The following TRPC5 variants were observed in gnomAD, a reference collection of about 807,000 sequenced individuals.
The protein encoded by TRPC5 is transient receptor potential cation channel subfamily C member 5.
A neutral mutation model predicts 56.5 loss-of-function variants in TRPC5; 9 were observed. The ratio of observed to expected loss-of-function variants is 0.16; its 90% CI spans 0.10 to 0.28. The LOEUF is 0.28. TRPC5 is among the 10% of genes least tolerant of loss of function. The probability of loss-of-function intolerance (pLI) is 1.00; values close to 1 mark genes in which losing one functional copy is unlikely to be tolerated. For synonymous variants in TRPC5, 282 were observed against 278.5 expected (o/e 1.01, Z -0.13); for missense variants, 469 against 748.9 (o/e 0.63, Z 4.36).
chrX:112,019,036 C>T (rs912436559), intron 1 of TRPC5, among the ~76,000 whole-genome samples: 2 of 112,301 alleles, frequency 1.8e-5, no homozygotes, highest in East Asian at 2.8e-4. Context: ...GCTTTTAAAG[C>T]GCTTATGCAA....
chrX:111,902,271 A>G (rs948908435), intron 3 of TRPC5: 9 of 619,535 alleles, frequency 1.5e-5, no homozygotes, highest in African/African-American at 6.8e-5. Flanking sequence ...TATATTAGCA[A>G]TATGTGTTTT....
intron 7 of TRPC5, among the ~76,000 whole-genome samples, chrX:111,793,107 A>G (rs1667146146): frequency 9.0e-6 from 1 of 110,943 alleles, no homozygotes; most frequent in African/African-American, 3.3e-5. Context: ...GGAGCAGGGG[A>G]ATGAATATCA....
intron 1 of TRPC5, among the ~76,000 whole-genome samples, chrX:112,044,490 T>C (rs901222841): frequency 8.9e-6 from 1 of 112,136 alleles, no homozygotes; most frequent in African/African-American, 3.2e-5. Context: ...TGCCCTTCCA[T>C]ACAGAGATAT....
intron 7 of TRPC5, among the ~76,000 whole-genome samples, chrX:111,828,408 T>G (rs1922301938): frequency 8.9e-6 from 1 of 111,855 alleles, no homozygotes; most frequent in Admixed American, 9.5e-5. Context: ...TGGCACTCAT[T>G]CTCTCTCCTG....
intron 6 of TRPC5, among the ~76,000 whole-genome samples, chrX:111,842,832 G>C (rs902366853): frequency 9.5e-6 from 1 of 105,724 alleles, no homozygotes; most frequent in Non-Finnish European, 2.0e-5. Flanking sequence ...GCTCAAAGTG[G>C]ATCAGTAGAG....
At position 111,829,272 on chromosome X, in the gene TRPC5, G is replaced by A. The variant is rs545072954; in HGVS notation, c.1896+5649C>T. 1.2e-4 allele frequency among the ~76,000 whole-genome samples: 12 copies of A among 97,006 alleles called. No individual in the cohort carries two copies. The South Asian group carries it at 4.3e-3, about 35-fold the overall frequency. 84.2% of individuals were successfully genotyped at this position (97,006 alleles called of 115,157 possible). On this transcript the variant is annotated intron_variant, in intron 7 of 10. Transcript: ENST00000262839. ...AGCTGAGATCACACCACTGCACTCC[G>A]GCCCGGGCGACAGTATGAGACTCTG...
At chrX:112,029,675 G>A (rs1218798968) in intron 1 of TRPC5, among the ~76,000 whole-genome samples, 1 of 111,612 alleles carries the variant, frequency 9.0e-6, no homozygotes, top group East Asian at 2.8e-4. Context: ...TGTCTTTTTG[G>A]TGTAAGCCAT....
intron 6 of TRPC5, among the ~76,000 whole-genome samples, chrX:111,843,202 A>G (rs780507594): frequency 8.9e-6 from 1 of 112,632 alleles, no homozygotes; most frequent in African/African-American, 3.2e-5. Context: ...TTTTCACTCA[A>G]TTGTTCAGTA....
At chrX:112,048,842 G>C (rs926337952) in intron 1 of TRPC5, among the ~76,000 whole-genome samples, 2 of 111,902 alleles carry the variant, frequency 1.8e-5, no homozygotes, top group African/African-American at 6.5e-5. Context: ...ACAATAAAAG[G>C]AAAGCTTTAA....
rs778659183 is a variant in TRPC5, at chrX:112,004,586, A to G, written c.-21-52145T>C. Among the ~76,000 whole-genome samples the G allele has an allele frequency of 1.4e-3, 155 of 111,982 alleles. 1 individual carries two copies. Among genetic ancestry groups the G allele is most frequent in the African/African-American group, 4.5e-3 (140 of 30,796 alleles). The stretch of plus-strand genomic sequence containing the variant: ...GGAATTTGTTAGCAGGTCAAATCTC[A>G]GGTCCATATTAGACCTTCTAAATCA... On this transcript the variant is annotated intron_variant, in intron 1 of 10. Coordinates refer to ENST00000262839, the MANE Select transcript of TRPC5 (RefSeq NM_012471.3).
intron 1 of TRPC5, among the ~76,000 whole-genome samples, chrX:112,010,100 G>T (rs950256522): frequency 8.9e-6 from 1 of 111,961 alleles, no homozygotes; most frequent in Non-Finnish European, 1.9e-5. Flanking sequence ...AGGAAGAAAT[G>T]CAATAGTGAA....
chrX:111,792,378 C>T (rs917235982), intron 7 of TRPC5, among the ~76,000 whole-genome samples: 5 of 110,961 alleles, frequency 4.5e-5, no homozygotes, highest in African/African-American at 1.6e-4. Context: ...ACCTAGATGA[C>T]GGGTTGATGG....
At chrX:111,834,900 T>A (rs181069565) in intron 7 of TRPC5, 21 bp downstream of exon 7, 304 of 1,173,109 alleles carry the variant, frequency 2.6e-4, no homozygotes, top group Non-Finnish European at 3.0e-4. Context: ...GTAAGCACGC[T>A]TGTAAAGCAA....
intron 1 of TRPC5, among the ~76,000 whole-genome samples, chrX:112,018,322 T>C (rs753274617): frequency 1.8e-5 from 2 of 112,716 alleles, no homozygotes; most frequent in Non-Finnish European, 3.7e-5. Flanking sequence ...TAGGTTTGTA[T>C]TGAACGCTGA....
chrX:111,936,137 G>T (rs1318317235), intron 2 of TRPC5, among the ~76,000 whole-genome samples: 5 of 111,340 alleles, frequency 4.5e-5, no homozygotes, highest in African/African-American at 9.8e-5. Context: ...TCTTGCCTCA[G>T]TGTTTTATAG....
At chrX:111,871,556 G>T (rs1028465642) in intron 3 of TRPC5, among the ~76,000 whole-genome samples, 6 of 111,286 alleles carry the variant, frequency 5.4e-5, no homozygotes, top group African/African-American at 2.0e-4. Flanking sequence ...ATGGCATGAG[G>T]TCATTATGAG....
chrX:111,979,478 C>T (rs745946018), intron 1 of TRPC5, among the ~76,000 whole-genome samples: 1 of 111,300 alleles, frequency 9.0e-6, no homozygotes, highest in African/African-American at 3.3e-5. Context: ...ATTAATCACA[C>T]TCCATCAAAA....
At chrX:112,061,408 A>G (rs187373394) in intron 1 of TRPC5, among the ~76,000 whole-genome samples, 57 of 111,852 alleles carry the variant, frequency 5.1e-4, no homozygotes, top group African/African-American at 1.8e-3. Flanking sequence ...GTTGAAACTA[A>G]GGGAGAATGA....
At chrX:111,887,605 C>A (rs1924571949) in intron 3 of TRPC5, among the ~76,000 whole-genome samples, 1 of 112,075 alleles carries the variant, frequency 8.9e-6, no homozygotes, top group Admixed American at 9.5e-5. Context: ...CATTTTACTA[C>A]TCTGGATTTT....
Sources: allele counts gnomAD v4.1 joint callset (sites outside exome capture counted in the v4.1 genomes callset), GRCh38; gene constraint gnomAD v4.1.1; transcripts MANE v1.5; gene names NCBI Gene and HGNC (gene_info 2026-07-23, HGNC 2026-07-21).